Variants in PAPPA2 observed in about 807,000 individuals in gnomAD.
The protein encoded by PAPPA2 is pappalysin-2.
A neutral mutation model predicts 176.4 loss-of-function variants in PAPPA2; 86 were observed. The observed-to-expected ratio is 0.49, with a 90% confidence interval of 0.41 to 0.58. The LOEUF (loss-of-function observed/expected upper bound fraction) is 0.58. PAPPA2 is among the 20% of genes least tolerant of loss of function. PAPPA2 has a pLI of 0.00. For missense variants in PAPPA2, 2,073 were observed against 2,256.9 expected (o/e 0.92, Z 1.65); for synonymous variants, 809 against 852.2 (o/e 0.95, Z 0.88).
intron 1 of PAPPA2, among the ~76,000 whole-genome samples, chr1:176,494,353 A>G (rs1013197895): frequency 6.6e-6 from 1 of 152,204 alleles, no homozygotes; most frequent in African/African-American, 2.4e-5. Context: ...GAGGCCACAC[A>G]CAACACATAG....
intron 2 of PAPPA2, among the ~76,000 whole-genome samples, chr1:176,570,674 C>T (rs1652272538): frequency 6.6e-6 from 1 of 150,520 alleles, no homozygotes; most frequent in Non-Finnish European, 1.5e-5. Flanking sequence ...CTCCTTGTGC[C>T]CCCTCCTCTG....
At chr1:176,800,928 G>C (rs1003752920) in intron 21 of PAPPA2, among the ~76,000 whole-genome samples, 22 of 152,132 alleles carry the variant, frequency 1.4e-4, no homozygotes, top group African/African-American at 5.3e-4. Context: ...CAATCAGTGG[G>C]GGGATGTAGG....
In PAPPA2 at chr1:176,753,304, T is replaced by G. The variant is rs1663266091; in HGVS notation, c.4152-12362T>G. Among the ~76,000 whole-genome samples the G allele has an allele frequency of 2.0e-5, 3 of 152,192 alleles. No homozygotes were observed. The South Asian group carries it at 6.2e-4, about 32-fold the overall frequency. ...TCTGAGTCTGGTCTTGGTAATAGTA[T>G]TATTTCATCTCTATTATCTGTCATG... On this transcript the variant is annotated intron_variant, in intron 14 of 22. Coordinates refer to ENST00000367662, the MANE Select transcript of PAPPA2 (RefSeq NM_020318.3).
intron 21 of PAPPA2, among the ~76,000 whole-genome samples, chr1:176,821,581 C>T (rs1157805114): frequency 6.6e-6 from 1 of 152,206 alleles, no homozygotes; most frequent in Non-Finnish European, 1.5e-5. Flanking sequence ...ATGTCTCTCC[C>T]TCAGGGACCT....
At chr1:176,769,534 C>T in intron 15 of PAPPA2, 73 bp from the exon 16 acceptor site, 3 of 1,475,778 alleles carry the variant, frequency 2.0e-6, no homozygotes, top group Non-Finnish European at 2.8e-6. Context: ...CACCAAGACT[C>T]TTCTAAAGCC....
At chr1:176,621,469 AC>A (rs1246846254) in intron 3 of PAPPA2, among the ~76,000 whole-genome samples, 1 of 152,156 alleles carries the variant, frequency 6.6e-6, no homozygotes, top group African/African-American at 2.4e-5. Flanking sequence ...AGTTGGAATG[AC>A]TGACACCTCT....
intron 12 of PAPPA2, among the ~76,000 whole-genome samples, chr1:176,733,818 G>A (rs556340184): frequency 6.6e-6 from 1 of 152,214 alleles, no homozygotes; most frequent in South Asian, 2.1e-4. Context: ...GATCTGTGGA[G>A]GAGTGAAAGA....
At chr1:176,552,068 A>G (rs1328972729) in intron 1 of PAPPA2, among the ~76,000 whole-genome samples, 2 of 152,010 alleles carry the variant, frequency 1.3e-5, no homozygotes, top group Non-Finnish European at 2.9e-5. Context: ...GTAAAACCTA[A>G]CCTCGACCCC....
rs539005689 is a variant in PAPPA2, at chr1:176,695,815, G to T, written c.2702G>T (p.Arg901Leu). The change falls in exon 7 of 23, where the codon CGG becomes CTG. Residue 901 changes from arginine to leucine, a missense_variant. Arg to Leu is a moderately radical substitution (Grantham distance 102). Around this residue, in one of 4 missense-constraint regions of PAPPA2, gnomAD observed 1,196 missense variants for 1,330.4 expected, o/e 0.90. Transcript: ENST00000367662. ...TATGTGCACACAGCTTCCTCCCGGC[G>T]GGTGTGTGACTCCTCAGGTTATTGG... ...RQYVHTASSR[R>L]VCDSSGYWTP... The T allele has an allele frequency of 1.2e-6, 2 of 1,614,062 alleles. No homozygotes were observed. Among genetic ancestry groups the T allele is most frequent in the South Asian group, 1.1e-5 (1 of 91,088 alleles).
At chr1:176,769,113 CTG>C (rs1031007291) in intron 15 of PAPPA2, among the ~76,000 whole-genome samples, 1 of 152,200 alleles carries the variant, frequency 6.6e-6, no homozygotes, top group African/African-American at 2.4e-5. Flanking sequence ...GGAGCAGAAA[CTG>C]TGTAGAGCAG....
At chr1:176,623,761 T>TTCTTTCTTTCTTTC (rs1161301356) in intron 3 of PAPPA2, among the ~76,000 whole-genome samples, 1 of 97,218 alleles carries the variant, frequency 1.0e-5, no homozygotes, top group East Asian at 2.8e-4. Context: ...CTTCCTTCCT[T>TTCTTTCTTTCTTTC]TCTTTCTTTC....
chr1:176,764,741 T>C (rs1178101446), intron 14 of PAPPA2, among the ~76,000 whole-genome samples: 2 of 152,012 alleles, frequency 1.3e-5, no homozygotes, highest in East Asian at 3.9e-4. Flanking sequence ...GGACTACAGG[T>C]GCCTGCAACC....
chr1:176,756,978 G>A (rs1382587840), intron 14 of PAPPA2, among the ~76,000 whole-genome samples: 1 of 152,122 alleles, frequency 6.6e-6, no homozygotes, highest in Admixed American at 6.6e-5. Context: ...TGTCCTTGTG[G>A]TATTTTGCTG....
chr1:176,463,586 T>G (rs747146572), intron 1 of PAPPA2, among the ~76,000 whole-genome samples, 168 bp downstream of exon 1: 3 of 152,202 alleles, frequency 2.0e-5, no homozygotes, highest in Non-Finnish European at 4.4e-5. Context: ...CATCTCCCTT[T>G]AGCATCATTG....
intron 21 of PAPPA2, among the ~76,000 whole-genome samples, chr1:176,833,309 A>G (rs1479057390): frequency 6.6e-6 from 1 of 152,212 alleles, no homozygotes. Flanking sequence ...TTGGCTCCCA[A>G]GTGAGCCAAG....
chr1:176,831,776 GA>G, intron 21 of PAPPA2, among the ~76,000 whole-genome samples: 1 of 152,188 alleles, frequency 6.6e-6, no homozygotes, highest in Non-Finnish European at 1.5e-5. Flanking sequence ...GCACATATCA[GA>G]GAAGAAATAT....
chr1:176,706,612 G>C (rs1660893965), intron 10 of PAPPA2, among the ~76,000 whole-genome samples, 162 bp downstream of exon 10: 1 of 152,160 alleles, frequency 6.6e-6, no homozygotes, highest in Non-Finnish European at 1.5e-5. Context: ...TATTATCTCA[G>C]TCAATCCTTA....
intron 12 of PAPPA2, among the ~76,000 whole-genome samples, chr1:176,730,630 CTT>C (rs1354207738): frequency 6.7e-6 from 1 of 148,910 alleles, no homozygotes; most frequent in Non-Finnish European, 1.5e-5. Flanking sequence ...GATTTCTACT[CTT>C]ATCTTCATTA....
Position 176,699,471 on chromosome 1 carries a change from C to G in PAPPA2, c.3118C>G (p.Pro1040Ala). The G allele has an allele frequency of 6.2e-7, 1 of 1,614,140 alleles. No homozygotes were observed. The highest frequency in any genetic ancestry group is 8.5e-7 in the Non-Finnish European group (1 of 1,180,024). ...TGATGCAGCACTCCTGACTTCTCAG[C>G]CCCACAGTCCCTTGTGCTCTGGCTG... ...EIDAALLTSQ[P>A]HSPLCSGCRP... The change falls in exon 8 of 23, where the codon CCC becomes GCC. Residue 1040 changes from proline (P) to alanine (A), a missense_variant. Coordinates refer to ENST00000367662, the MANE Select transcript of PAPPA2 (RefSeq NM_020318.3).
Sources: allele counts gnomAD v4.1 joint callset (sites outside exome capture counted in the v4.1 genomes callset), GRCh38; gene constraint gnomAD v4.1.1; regional missense constraint gnomAD v4.1.1; transcripts MANE v1.5; gene names NCBI Gene and HGNC (gene_info 2026-07-23, HGNC 2026-07-21).